Variants in CRISPLD2 observed in about 807,000 individuals in gnomAD.
CRISPLD2 encodes cysteine rich secretory protein LCCL domain containing 2.
A neutral mutation model predicts 71.1 loss-of-function variants in CRISPLD2; 47 were observed. The ratio of observed to expected loss-of-function variants is 0.66; its 90% CI spans 0.52 to 0.84. The LOEUF (loss-of-function observed/expected upper bound fraction) is 0.84. Among genes scored for constraint, CRISPLD2 ranks in the 40% least tolerant of loss-of-function variants. The pLI, the probability that CRISPLD2 is intolerant of heterozygous loss-of-function variation, is 0.00. For synonymous variants in CRISPLD2, 317 were observed against 250.1 expected (o/e 1.27, Z -2.52); for missense variants, 830 against 651.1 (o/e 1.27, Z -2.99).
chr16:84,906,902 CT>C lies in CRISPLD2; in HGVS notation c.*263del, dbSNP rs1445585711. 9 of 555,788 alleles carry C rather than the reference CT, an allele frequency of 1.6e-5. No individual in the cohort carries two copies. The highest frequency in any genetic ancestry group is 2.9e-5 in the Non-Finnish European group (9 of 310,632). The allele number at this position is 555,788 out of a possible 1,614,324, so 34.4% of individuals were successfully genotyped here. A position where few individuals can be genotyped will look rare whatever the true frequency, so the allele number is the denominator to read the frequency against. ...GGTCTCCATCTGGACGTCCTCTCTC[CT>C]TTAGAGATCTGAGCTGTCTCTTAAA... On this transcript the variant is annotated 3_prime_UTR_variant, in exon 15 of 15. Transcript: ENST00000262424.
chr16:84,904,604 A>T (rs1446079879), intron 14 of CRISPLD2, among the ~76,000 whole-genome samples: 2 of 147,686 alleles, frequency 1.4e-5, no homozygotes, highest in African/African-American at 5.1e-5. Context: ...AAAAAAAAAA[A>T]TTTAAAAAAA....
At position 84,853,627 on chromosome 16, in the gene CRISPLD2, G is replaced by A. The variant is rs574504559; in HGVS notation, c.609-1102G>A. 1.7e-3 allele frequency among the ~76,000 whole-genome samples: 262 copies of A among 152,306 alleles called. 2 individuals are homozygous for A. Among genetic ancestry groups the A allele is most frequent in the African/African-American group, 6.1e-3 (252 of 41,568 alleles). ...GACGGATGCCTATCAGACCCAGAGCGTGTTTCCTGCCGTTTGTCTTTGGCC... is the reference window on the plus strand; with the variant it reads ...GACGGATGCCTATCAGACCCAGAGCATGTTTCCTGCCGTTTGTCTTTGGCC... On this transcript the variant is annotated intron_variant, in intron 5 of 14. Transcript: ENST00000262424.
At chr16:84,883,707 C>G (rs2071587659) in intron 13 of CRISPLD2, among the ~76,000 whole-genome samples, 1 of 152,214 alleles carries the variant, frequency 6.6e-6, no homozygotes, top group African/African-American at 2.4e-5. Context: ...GACCACTGGG[C>G]TAGCGATGAC....
chr16:84,860,019 C>T (rs542824793), intron 6 of CRISPLD2, among the ~76,000 whole-genome samples: 1 of 152,208 alleles, frequency 6.6e-6, no homozygotes, highest in East Asian at 1.9e-4. Context: ...CTTCTGGATT[C>T]TCCCAGCTGG....
At chr16:84,875,215 T>C (rs2071507025) in intron 11 of CRISPLD2, among the ~76,000 whole-genome samples, 1 of 151,888 alleles carries the variant, frequency 6.6e-6, no homozygotes. Context: ...CACTCCAGCC[T>C]GGGTGACAGA....
intron 13 of CRISPLD2, among the ~76,000 whole-genome samples, chr16:84,883,867 G>T (rs531878172): frequency 1.4e-5 from 2 of 141,760 alleles, no homozygotes; most frequent in African/African-American, 2.6e-5. Context: ...TTTTTGAGAC[G>T]GAGTCTTACT....
chr16:84,903,637 T>C (rs973872027), intron 14 of CRISPLD2, among the ~76,000 whole-genome samples: 1 of 151,614 alleles, frequency 6.6e-6, no homozygotes. Context: ...TTAGTGACTT[T>C]GTCACACAGT....
chr16:84,852,678 T>A, intron 5 of CRISPLD2, among the ~76,000 whole-genome samples: 1 of 151,038 alleles, frequency 6.6e-6, no homozygotes, highest in Non-Finnish European at 1.5e-5. Context: ...GGGGGTCAGA[T>A]CCCTTGAGGG....
intron 6 of CRISPLD2, among the ~76,000 whole-genome samples, chr16:84,863,747 A>G (rs1340529699): frequency 6.6e-6 from 1 of 152,130 alleles, no homozygotes; most frequent in Non-Finnish European, 1.5e-5. Flanking sequence ...AGGCGGGCAG[A>G]TCACCGAGGT....
chr16:84,871,081 T>C (rs1323648366), intron 8 of CRISPLD2, among the ~76,000 whole-genome samples: 1 of 152,000 alleles, frequency 6.6e-6, no homozygotes, highest in African/African-American at 2.4e-5. Context: ...GATAAATAAA[T>C]AGTTGGGATA....
chr16:84,845,699 G>T, intron 2 of CRISPLD2, 87 bp from the exon 3 acceptor site: 1 of 888,388 alleles, frequency 1.1e-6, no homozygotes, highest in Non-Finnish European at 1.8e-6. Flanking sequence ...CTCCACAGGA[G>T]CCCAGGCTGG....
intron 1 of CRISPLD2, among the ~76,000 whole-genome samples, chr16:84,831,118 G>A (rs1916477531): frequency 6.6e-6 from 1 of 152,214 alleles, no homozygotes; most frequent in African/African-American, 2.4e-5. Flanking sequence ...GGAGCCCAGG[G>A]CCGGGGGTGC....
intron 1 of CRISPLD2, 121 bp from the exon 2 acceptor site, chr16:84,838,301 G>T: frequency 1.5e-6 from 1 of 647,846 alleles, no homozygotes; most frequent in Non-Finnish European, 2.7e-6. Flanking sequence ...GCTTCTGTGG[G>T]CCTCAGTTTC....
At chr16:84,849,587 G>A in intron 4 of CRISPLD2, 70 bp downstream of exon 4, 1 of 1,317,328 alleles carries the variant, frequency 7.6e-7, no homozygotes, top group Non-Finnish European at 1.0e-6. Flanking sequence ...TGCCCCTGGG[G>A]GATTGTCAAA....
At position 84,907,052 on chromosome 16, in the gene CRISPLD2, C is replaced by T. The variant is rs2071809210; in HGVS notation, c.*410C>T. On this transcript the variant is annotated 3_prime_UTR_variant, in exon 15 of 15. Transcript: ENST00000262424. Reference sequence around the variant, plus strand: ...CACAATTGTGAAGCATTCACGGCGTCGGAAGAGGCCTTTTGAGCAAGCGCC... The same window carrying T: ...CACAATTGTGAAGCATTCACGGCGTTGGAAGAGGCCTTTTGAGCAAGCGCC... The T allele has an allele frequency of 2.9e-5, 6 of 209,798 alleles. No homozygotes were observed. The highest frequency in any genetic ancestry group is 2.8e-4 in the South Asian group (4 of 14,406). 13.0% of individuals were successfully genotyped at this position (209,798 alleles called of 1,614,324 possible). A position where few individuals can be genotyped will look rare whatever the true frequency, so the allele number is the denominator to read the frequency against.
chr16:84,888,714 G>T (rs2071634604), intron 13 of CRISPLD2, among the ~76,000 whole-genome samples: 1 of 152,188 alleles, frequency 6.6e-6, no homozygotes, highest in Admixed American at 6.5e-5. Flanking sequence ...CAGGGCATTT[G>T]CACGAGCCTT....
chr16:84,882,899 C>T (rs965406482), intron 13 of CRISPLD2, among the ~76,000 whole-genome samples: 1 of 152,156 alleles, frequency 6.6e-6, no homozygotes, highest in Non-Finnish European at 1.5e-5. Flanking sequence ...CTGCTCTTTC[C>T]CTGGTGTATG....
At chr16:84,871,519 A>T (rs1383131238) in intron 8 of CRISPLD2, among the ~76,000 whole-genome samples, 1 of 152,058 alleles carries the variant, frequency 6.6e-6, no homozygotes, top group Non-Finnish European at 1.5e-5. Context: ...AGCCTGCGTG[A>T]TGGAGTCAGA....
chr16:84,821,002 G>T (rs1025651660), intron 1 of CRISPLD2, among the ~76,000 whole-genome samples: 1 of 152,232 alleles, frequency 6.6e-6, no homozygotes, highest in South Asian at 2.1e-4. Context: ...GCTGATGCCT[G>T]CTCATCGCAG....
Sources: gnomAD v4.1 joint callset for allele counts (sites outside exome capture counted in the v4.1 genomes callset) on GRCh38, gnomAD v4.1.1 for gene constraint, MANE v1.5 for transcripts, NCBI Gene and HGNC (gene_info 2026-07-23, HGNC 2026-07-21) for gene names.